Variants in LIN28B observed in about 807,000 individuals in gnomAD.
LIN28B encodes the protein lin-28 RNA binding posttranscriptional regulator B, also known as protein lin-28 homolog B.
Under a neutral mutation model 21.9 loss-of-function variants are expected in LIN28B, and 5 were observed. That is an observed-to-expected ratio of 0.23 (90% CI 0.12 to 0.48). The LOEUF (loss-of-function observed/expected upper bound fraction) is 0.48, where lower values mean the gene tolerates loss of function less well. LIN28B is among the 20% of genes least tolerant of loss of function. LIN28B has a pLI of 0.98. For missense variants in LIN28B, 245 were observed against 310.5 expected (o/e 0.79, Z 1.58); for synonymous variants, 109 against 111.3 (o/e 0.98, Z 0.13).
At chr6:105,074,316 G>A (rs1050280005) in intron 3 of LIN28B, among the ~76,000 whole-genome samples, 1 of 152,058 alleles carries the variant, frequency 6.6e-6, no homozygotes, top group Non-Finnish European at 1.5e-5. Flanking sequence ...TCCTGCCTCA[G>A]CCTCCCAAGT....
At chr6:104,959,203 T>G (rs1769659978) in intron 2 of LIN28B, among the ~76,000 whole-genome samples, 1 of 152,160 alleles carries the variant, frequency 6.6e-6, no homozygotes, top group African/African-American at 2.4e-5. Flanking sequence ...AGCCGGTTGT[T>G]TCCTCAAAAA....
intron 2 of LIN28B, among the ~76,000 whole-genome samples, chr6:105,018,830 G>T (rs1562094545): frequency 6.6e-6 from 1 of 151,970 alleles, no homozygotes; most frequent in Admixed American, 6.6e-5. Flanking sequence ...TAAATTCTCT[G>T]GTTGTTTAAA....
chr6:104,951,381 T>A (rs1778218807), intron 3 of LIN28B, among the ~76,000 whole-genome samples: 1 of 152,166 alleles, frequency 6.6e-6, no homozygotes, highest in African/African-American at 2.4e-5. Context: ...ATGATAGGAT[T>A]TCCATTTGAG....
At chr6:104,988,046 C>G (rs1770384120) in intron 2 of LIN28B, among the ~76,000 whole-genome samples, 1 of 152,128 alleles carries the variant, frequency 6.6e-6, no homozygotes, top group African/African-American at 2.4e-5. Flanking sequence ...TCCCGGCCAT[C>G]AATATTCTTC....
At chr6:104,996,015 C>T (rs1770592258) in intron 2 of LIN28B, among the ~76,000 whole-genome samples, 1 of 151,364 alleles carries the variant, frequency 6.6e-6, no homozygotes, top group Non-Finnish European at 1.5e-5. Context: ...ACTAGAAACA[C>T]ATGTGAATCA....
chr6:104,985,226 A>G lies in LIN28B; in HGVS notation c.198+26940A>G, dbSNP rs562858970. ...TAACAAAAGAAAAGCATACACATTTATTTAATATGAGCTTTATGTGACACA... is the reference window on the plus strand; with the variant it reads ...TAACAAAAGAAAAGCATACACATTTGTTTAATATGAGCTTTATGTGACACA... On this transcript the variant is annotated intron_variant, in intron 2 of 3. Transcript: ENST00000345080. Among the ~76,000 whole-genome samples the G allele has an allele frequency of 2.6e-5, 4 of 152,368 alleles. No homozygotes were observed. In the South Asian group the frequency reaches 8.3e-4, roughly 32 times the overall value.
intron 2 of LIN28B, among the ~76,000 whole-genome samples, chr6:104,999,804 C>T (rs140492923): frequency 1.2e-4 from 19 of 152,182 alleles, no homozygotes; most frequent in African/African-American, 3.4e-4. Flanking sequence ...CCTCAGCCCC[C>T]GGAGTAGCTG....
At chr6:105,053,714 C>CGTGT (rs59369365) in intron 3 of LIN28B, among the ~76,000 whole-genome samples, 2,726 of 147,352 alleles carry the variant, frequency 0.018, 50 homozygotes, top group African/African-American at 0.051. Flanking sequence ...TGTGTGGGTG[C>CGTGT]GTGTGTGTGT....
intron 3 of LIN28B, among the ~76,000 whole-genome samples, chr6:105,054,275 A>G (rs937334181): frequency 6.6e-6 from 1 of 151,972 alleles, no homozygotes; most frequent in African/African-American, 2.4e-5. Flanking sequence ...TTTTGTTTGT[A>G]TTTGTTTTCT....
At chr6:105,063,126 C>T (rs1003434618) in intron 3 of LIN28B, among the ~76,000 whole-genome samples, 4 of 151,982 alleles carry the variant, frequency 2.6e-5, no homozygotes, top group Non-Finnish European at 5.9e-5. Context: ...CTCATTGATT[C>T]AGTGAATATT....
intron 3 of LIN28B, among the ~76,000 whole-genome samples, chr6:105,076,253 T>C (rs1441548330): frequency 1.3e-5 from 2 of 152,162 alleles, no homozygotes; most frequent in African/African-American, 4.8e-5. Flanking sequence ...TTTGAAAATA[T>C]GATTCAGTCT....
intron 3 of LIN28B, among the ~76,000 whole-genome samples, chr6:105,061,228 C>A (rs1772116043): frequency 6.6e-6 from 1 of 151,898 alleles, no homozygotes; most frequent in African/African-American, 2.4e-5. Flanking sequence ...AGGGGTGAAG[C>A]AGAAAAATAT....
chr6:105,007,884 TC>T (rs1336447920), intron 2 of LIN28B, among the ~76,000 whole-genome samples: 1 of 152,182 alleles, frequency 6.6e-6, no homozygotes, highest in Admixed American at 6.5e-5. Flanking sequence ...CCTCAGGCAA[TC>T]CTTTTTGCCT....
intron 2 of LIN28B, among the ~76,000 whole-genome samples, chr6:104,944,520 TTAAA>T (rs1778134561): frequency 6.6e-6 from 1 of 152,072 alleles, no homozygotes; most frequent in Non-Finnish European, 1.5e-5. Context: ...CTTAAAAACA[TTAAA>T]TAATTTAAAA....
intron 3 of LIN28B, among the ~76,000 whole-genome samples, chr6:105,033,578 T>A (rs1771467200): frequency 6.6e-6 from 1 of 152,058 alleles, no homozygotes; most frequent in South Asian, 2.1e-4. Context: ...CCTCCACATT[T>A]GAAAAGTTTT....
At position 105,080,183 on chromosome 6, in the gene LIN28B, C is replaced by T. The variant is rs1312323296; in HGVS notation, c.*1400C>T. 1 of 152,374 alleles carries T rather than the reference C, an allele frequency of 6.6e-6. No homozygotes were observed. The highest frequency in any genetic ancestry group is 2.4e-5 in the African/African-American group (1 of 41,360). The allele number at this position is 152,374 out of a possible 1,614,324, so 9.4% of individuals were successfully genotyped here. A position where few individuals can be genotyped will look rare whatever the true frequency, so the allele number is the denominator to read the frequency against. On this transcript the variant is annotated 3_prime_UTR_variant, in exon 4 of 4. Transcript: ENST00000345080. ...ACTGGCTAGGGGCCATAGTATTGGT[C>T]CTGTTAGGTTTCGGTCATGGAAAAA...
intron 3 of LIN28B, among the ~76,000 whole-genome samples, chr6:105,063,648 GAAA>G (rs1230150037): frequency 1.7e-4 from 23 of 133,298 alleles, no homozygotes; most frequent in South Asian, 9.9e-4. Flanking sequence ...GGGGGGGGGG[GAAA>G]AAAAGGTAAA....
rs1299847515 is a variant in LIN28B at position 104,970,979 on chromosome 6, A to T, written c.198+12693A>T. 3.9e-5 allele frequency among the ~76,000 whole-genome samples: 6 copies of T among 152,120 alleles called. No individual in the cohort carries two copies. In the South Asian group the frequency reaches 1.0e-3, roughly 26 times the overall value. On this transcript the variant is annotated intron_variant, in intron 2 of 3. Coordinates refer to ENST00000345080, the MANE Select transcript of LIN28B (RefSeq NM_001004317.4). ...TTCCTAATTTGGTGACTTAGTCATG[A>T]TGCTCTAGTTTATTGTGAACCATTA...
rs1772565996 is a variant in LIN28B, at chr6:105,082,878, C to A, written c.*4095C>A. 6.6e-6 allele frequency: 1 copy of A among 152,656 alleles called. No individual in the cohort carries two copies. The highest frequency in any genetic ancestry group is 1.5e-5 in the Non-Finnish European group (1 of 68,036). The allele number at this position is 152,656 out of a possible 1,614,324, so 9.5% of individuals were successfully genotyped here. A position where few individuals can be genotyped will look rare whatever the true frequency, so the allele number is the denominator to read the frequency against. Reference sequence around the variant, plus strand: ...AGCTTGAAAATGATGGTGTTGACTACCTCTTGAATCACATCTATCAACCAC... The same window carrying A: ...AGCTTGAAAATGATGGTGTTGACTAACTCTTGAATCACATCTATCAACCAC... On this transcript the variant is annotated 3_prime_UTR_variant, in exon 4 of 4. Transcript: ENST00000345080.
Sources: allele counts gnomAD v4.1 joint callset (sites outside exome capture counted in the v4.1 genomes callset), GRCh38; gene constraint gnomAD v4.1.1; transcripts MANE v1.5; gene names NCBI Gene and HGNC (gene_info 2026-07-23, HGNC 2026-07-21).